EML3: variants seen among roughly 807,000 people sequenced by gnomAD.
EML3 encodes EMAP like 3.
EML3 carries 53 observed loss-of-function variants against 106.7 expected under a neutral mutation model. That is an observed-to-expected ratio of 0.50 (90% CI 0.40 to 0.62). The LOEUF (loss-of-function observed/expected upper bound fraction) is 0.62, where lower values mean the gene tolerates loss of function less well. Ranked by LOEUF, EML3 falls within the 20% of genes least tolerant of loss-of-function variation. The probability of loss-of-function intolerance (pLI) is 0.00; values close to 1 mark genes in which losing one functional copy is unlikely to be tolerated. For synonymous variants in EML3, 499 were observed against 489.6 expected (o/e 1.02, Z -0.25); for missense variants, 994 against 1,209.1 (o/e 0.82, Z 2.64).
At position 62,612,480 on chromosome 11, in the gene EML3, C is replaced by A; in HGVS notation, c.-23G>T. 1.4e-6 allele frequency: 2 copies of A among 1,404,670 alleles called. No homozygotes were observed. Among genetic ancestry groups the A allele is most frequent in the Non-Finnish European group, 1.8e-6 (2 of 1,084,510 alleles). 87.0% of individuals were successfully genotyped at this position (1,404,670 alleles called of 1,614,324 possible). A position where few individuals can be genotyped will look rare whatever the true frequency, so the allele number is the denominator to read the frequency against. ...CATCCGGCCCCCGGGTTGCTCCGAG[C>A]GGCGGCGGCGGAGGAGGCGTCTAAG... is the stretch of plus-strand genomic sequence containing the variant. On this transcript the variant is annotated 5_prime_UTR_variant, in exon 1 of 22. Transcript: ENST00000394773.
intron 10 of EML3, 150 bp from the exon 11 acceptor site, chr11:62,607,971 A>G (rs1465322158): frequency 1.1e-6 from 1 of 926,530 alleles, no homozygotes; most frequent in East Asian, 2.5e-5. Context: ...CCCTAAGAGC[A>G]CTATTTCCTG....
At chr11:62,611,817 G>GC (rs1331519492) in intron 1 of EML3, 1 of 580,212 alleles carries the variant, frequency 1.7e-6, no homozygotes, top group Non-Finnish European at 3.0e-6. Context: ...CCTTCCTGCT[G>GC]CCGTCTCAGC....
At position 62,610,987 on chromosome 11, in the gene EML3, C is replaced by T. The variant is rs1308085194; in HGVS notation, c.458G>A (p.Arg153Gln). Residue 153 changes from arginine to glutamine, a missense_variant, in exon 4 of 22, where the codon CGA (arginine) becomes CAA (glutamine). This residue lies in a region of EML3 where 269 missense variants were observed against 265.1 expected (regional missense o/e 1.01). Transcript: ENST00000394773. Reference sequence around the variant, plus strand: ...GGATGAGGAGGAGGAAGAATTTCTTCGCGGCCTGGTGGGGGCATAGTGAAG... The same window carrying T: ...GGATGAGGAGGAGGAAGAATTTCTTTGCGGCCTGGTGGGGGCATAGTGAAG... ...LQPPQRADTPRRNSSSSSSPS... is the reference protein window; with the variant it reads ...LQPPQRADTPQRNSSSSSSPS... 1.9e-6 allele frequency: 3 copies of T among 1,613,194 alleles called. No individual in the cohort carries two copies. The highest frequency in any genetic ancestry group is 1.7e-5 in the Admixed American group (1 of 59,946).
chr11:62,607,579 A>T, intron 11 of EML3, 87 bp downstream of exon 11: 1 of 1,433,658 alleles, frequency 7.0e-7, no homozygotes, highest in Non-Finnish European at 9.3e-7. Flanking sequence ...GGTGGGGGTT[A>T]GGGAACCTCA....
rs1942264927 is a variant in EML3, at chr11:62,602,429, GGGGCGGGGCCAC to G, written c.*34_*45del. 2.6e-6 allele frequency: 4 copies of G among 1,543,592 alleles called. No homozygotes were observed. Among genetic ancestry groups the G allele is most frequent in the Non-Finnish European group, 3.5e-6 (4 of 1,141,308 alleles). ...GGATTGGGCCAGGGAAGGGCAGGGC[GGGGCGGGGCCAC>G]GCCGCCGGGCCAGTCGGTCCCGCCA... is the stretch of plus-strand genomic sequence containing the variant. On this transcript the variant is annotated 3_prime_UTR_variant, in exon 22 of 22. Coordinates refer to ENST00000394773, the MANE Select transcript of EML3 (RefSeq NM_153265.3).
rs1463565107 is a variant in EML3 at position 62,607,117 on chromosome 11, C to T, written c.1363-18G>A. On this transcript the variant is annotated intron_variant, in intron 11 of 21. Transcript: ENST00000394773. ...TTGTATTTCTAGTGGGAGGGGAGAG[C>T]AGACAGTAGAGGTCAAAGGGAAGGG... The T allele has an allele frequency of 6.2e-7, 1 of 1,612,674 alleles. No homozygotes were observed. The highest frequency in any genetic ancestry group is 8.5e-7 in the Non-Finnish European group (1 of 1,179,448).
chr11:62,602,261 G>C lies in EML3; in HGVS notation c.*214C>G. On this transcript the variant is annotated 3_prime_UTR_variant, in exon 22 of 22. Coordinates refer to ENST00000394773, the MANE Select transcript of EML3 (RefSeq NM_153265.3). Reference sequence around the variant, plus strand: ...TATTGCCCCTCAGCAGGCAGCGGGAGTCAAGGCCTAGGCTGGGGCTGCCCG... The same window carrying C: ...TATTGCCCCTCAGCAGGCAGCGGGACTCAAGGCCTAGGCTGGGGCTGCCCG... 1 of 1,547,928 alleles carries C rather than the reference G, an allele frequency of 6.5e-7. No homozygotes were observed. The highest frequency in any genetic ancestry group is 1.2e-5 in the South Asian group (1 of 83,912).
chr11:62,603,046 G>T, intron 20 of EML3, 103 bp downstream of exon 20: 1 of 1,545,154 alleles, frequency 6.5e-7, no homozygotes, highest in Non-Finnish European at 8.8e-7. Flanking sequence ...GGATCTTCAG[G>T]TTTCTGGACT....
In EML3 at chr11:62,603,194, G is replaced by A. The variant is rs950352101; in HGVS notation, c.2311C>T (p.Arg771Trp). The A allele has an allele frequency of 1.9e-6, 3 of 1,614,014 alleles. No individual in the cohort carries two copies. Among genetic ancestry groups the A allele is most frequent in the Non-Finnish European group, 2.5e-6 (3 of 1,180,022 alleles). The stretch of plus-strand genomic sequence containing the variant: ...ACACAGGTGTAGGTAGCCCATTCCC[G>A]GTCTCGGCTCTCATAGCGATTCTTC... ...QLKNRYESRD[R>W]EWATYTCVLG... Residue 771 changes from arginine to tryptophan, a missense_variant, in exon 20 of 22, where the codon CGG becomes TGG. Arg to Trp is a moderately radical substitution (Grantham distance 101). Coordinates refer to ENST00000394773, the MANE Select transcript of EML3 (RefSeq NM_153265.3).
rs1032258634 is a variant in EML3 at position 62,611,763 on chromosome 11, A to C, written c.23-167T>G. ...GGGAGGAGACGGTGGTAAAGGATCA[A>C]GGGCCTCCTTCTGGCAGGGCAGGCG... On this transcript the variant is annotated intron_variant, in intron 1 of 21. Coordinates refer to ENST00000394773, the MANE Select transcript of EML3 (RefSeq NM_153265.3). The C allele has an allele frequency of 1.3e-5, 10 of 760,024 alleles. No individual in the cohort carries two copies. In the African/African-American group the frequency reaches 1.8e-4, roughly 13 times the overall value. The allele number at this position is 760,024 out of a possible 1,614,324, so 47.1% of individuals were successfully genotyped here. A position where few individuals can be genotyped will look rare whatever the true frequency, so the allele number is the denominator to read the frequency against.
chr11:62,608,296 C>T lies in EML3; in HGVS notation c.1111G>A (p.Asp371Asn). 1.2e-6 allele frequency: 2 copies of T among 1,613,502 alleles called. No individual in the cohort carries two copies. The highest frequency in any genetic ancestry group is 1.7e-6 in the Non-Finnish European group (2 of 1,179,708). ...GVGALAFSAA[D>N]QGAFLCVVDD... ...ACCACACAAAGAAAGGCACCCTGAT[C>T]CTGAAGAAGGGTGACACATAGGAGG... The change falls in exon 10 of 22, where the codon GAT (aspartate) becomes AAT (asparagine). Residue 371 changes from aspartate (D) to asparagine (N), a missense_variant and splice_region_variant. Physicochemically the swap from Asp to Asn is conservative, Grantham distance 23 (BLOSUM62 1). This residue lies in a region of EML3 where 713 missense variants were observed against 920.5 expected (regional missense o/e 0.77). Transcript: ENST00000394773.
Position 62,606,188 on chromosome 11 carries a change from G to C in EML3, c.1531C>G (p.His511Asp). ...KETYGIVAQA[H>D]AHEGSIFALC... is the part of the protein sequence containing the mutation. ...GCGAAGATAGAACCTTCATGAGCGT[G>C]AGCCTGGGCCACAATCCCATAGGTC... The change falls in exon 13 of 22, where the codon CAC (histidine) becomes GAC (aspartate). Residue 511 changes from histidine (H) to aspartate (D), a missense_variant. Physicochemically the swap from His to Asp is moderately conservative, Grantham distance 81 (BLOSUM62 -1). This residue lies in a region of EML3 where 713 missense variants were observed against 920.5 expected (regional missense o/e 0.77). Transcript: ENST00000394773. 1 of 1,613,974 alleles carries C rather than the reference G, an allele frequency of 6.2e-7. No homozygotes were observed. Among genetic ancestry groups the C allele is most frequent in the Non-Finnish European group, 8.5e-7 (1 of 1,180,030 alleles).
intron 11 of EML3, 128 bp from the exon 12 acceptor site, chr11:62,607,227 C>G (rs1942572618): frequency 1.7e-6 from 2 of 1,150,408 alleles, no homozygotes; most frequent in Admixed American, 2.3e-5. Flanking sequence ...GCGGGCGGGT[C>G]ACCTGAGGCC....
rs539213175 is a variant in EML3 at position 62,611,202 on chromosome 11, T to G, written c.337A>C (p.Ser113Arg). 3 of 1,610,388 alleles carry G rather than the reference T, an allele frequency of 1.9e-6. No homozygotes were observed. In the African/African-American group the frequency reaches 4.0e-5, roughly 21 times the overall value. The change falls in exon 3 of 22, where the codon AGC becomes CGC. Residue 113 changes from serine to arginine, a missense_variant. Ser to Arg is a moderately radical substitution (Grantham distance 110). This residue lies in a region of EML3 where 269 missense variants were observed against 265.1 expected (regional missense o/e 1.01). Transcript: ENST00000394773. ...SNGPPAPQGA[S>R]EEPSGTQSEG... The stretch of plus-strand genomic sequence containing the variant: ...GATTGGGTCCCGCTAGGCTCTTCGC[T>G]GGCCCCCTGAGGGGCTGGGGGTCCA...
At position 62,605,322 on chromosome 11, in the gene EML3, G is replaced by T; in HGVS notation, c.1915-142C>A. Reference sequence around the variant, plus strand: ...AGGGAAGGGATACCCGGGTATCACTGGAGCCTGAACAGGGAGTGATACCAA... The same window carrying T: ...AGGGAAGGGATACCCGGGTATCACTTGAGCCTGAACAGGGAGTGATACCAA... On this transcript the variant is annotated intron_variant, in intron 15 of 21. Coordinates refer to ENST00000394773, the MANE Select transcript of EML3 (RefSeq NM_153265.3). The surrounding 1 kb of genome is among the most constrained non-coding windows in gnomAD (Gnocchi z 5.2). 1 of 835,202 alleles carries T rather than the reference G, an allele frequency of 1.2e-6. No homozygotes were observed. The highest frequency in any genetic ancestry group is 1.8e-6 in the Non-Finnish European group (1 of 551,444). The allele number at this position is 835,202 out of a possible 1,614,324, so 51.7% of individuals were successfully genotyped here. A position where few individuals can be genotyped will look rare whatever the true frequency, so the allele number is the denominator to read the frequency against.
rs771180856 is a variant in EML3, at chr11:62,604,116, G to T, written c.2068C>A (p.Pro690Thr). ...NEQLSVVRYS[P>T]DGLYLAIGSH... ...CCAGGGTTGGGGTGGCTCCCACCTGGGCTGTACCGGACCACTGAGAGCTGC... is the reference window on the plus strand; with the variant it reads ...CCAGGGTTGGGGTGGCTCCCACCTGTGCTGTACCGGACCACTGAGAGCTGC... The change falls in exon 17 of 22, where the codon CCA becomes ACA. Residue 690 changes from proline to threonine, a missense_variant. Around this residue, in one of 3 missense-constraint regions of EML3, gnomAD observed 713 missense variants for 920.5 expected, o/e 0.77. Transcript: ENST00000394773. The T allele has an allele frequency of 1.2e-6, 2 of 1,613,836 alleles. No homozygotes were observed. The highest frequency in any genetic ancestry group is 1.7e-6 in the Non-Finnish European group (2 of 1,179,992).
In EML3 at chr11:62,605,662, C is replaced by T; in HGVS notation, c.1894G>A (p.Ala632Thr). ...CLWDGESHAL[A>T]WSIDLKETGL... ...TCTACCTTGAGGTCGATGCTCCAGG[C>T]CAGTGCATGGCTCTCCCCATCCCAC... is the stretch of plus-strand genomic sequence containing the variant. The change falls in exon 15 of 22, where the codon GCC becomes ACC. Residue 632 changes from alanine to threonine, a missense_variant. Transcript: ENST00000394773. This position sits in a 1 kb window ranked among gnomAD's most constrained non-coding sequence, Gnocchi z 5.2. The T allele has an allele frequency of 1.3e-6, 2 of 1,569,438 alleles. No individual in the cohort carries two copies. Among genetic ancestry groups the T allele is most frequent in the South Asian group, 1.2e-5 (1 of 82,948 alleles).
intron 1 of EML3, 46 bp downstream of exon 1, chr11:62,612,390 G>A (rs1278410988): frequency 2.0e-6 from 3 of 1,495,228 alleles, no homozygotes; most frequent in South Asian, 2.4e-5. Context: ...CCGACGAGCC[G>A]GGCGCTCCGG....
intron 12 of EML3, among the ~76,000 whole-genome samples, chr11:62,606,568 G>A (rs969486572): frequency 1.3e-5 from 2 of 152,196 alleles, no homozygotes; most frequent in Admixed American, 6.5e-5. Flanking sequence ...AAAAAGGTGG[G>A]AAACCTGGCT....
Sources: gnomAD v4.1 joint callset for allele counts (sites outside exome capture counted in the v4.1 genomes callset) on GRCh38, gnomAD v4.1.1 for gene constraint, gnomAD v4.1.1 regional missense constraint, Gnocchi (gnomAD v3.1) non-coding constraint, MANE v1.5 for transcripts, NCBI Gene and HGNC (gene_info 2026-07-23, HGNC 2026-07-21) for gene names.